The following ZNF486 variants were observed in gnomAD, a reference collection of about 807,000 sequenced individuals.
ZNF486 encodes zinc finger protein 486, also known as KRAB box only protein 2.
A neutral mutation model predicts 12.8 loss-of-function variants in ZNF486; 12 were observed. That is an observed-to-expected ratio of 0.94 (90% CI 0.60 to 1.52). The LOEUF is 1.52. ZNF486 is among the 40% of genes most tolerant of loss of function. The pLI, the probability that ZNF486 is intolerant of heterozygous loss-of-function variation, is 0.00. For missense variants in ZNF486, 738 were observed against 545.0 expected (o/e 1.35, Z -3.53); for synonymous variants, 231 against 184.9 (o/e 1.25, Z -2.02).
intron 3 of ZNF486, among the ~76,000 whole-genome samples, chr19:20,193,944 A>T (rs929119519): frequency 6.6e-6 from 1 of 152,132 alleles, no homozygotes; most frequent in Non-Finnish European, 1.5e-5. Context: ...TGAATGTGGT[A>T]AAAAAATTAA....
rs1555718353 is a variant in ZNF486, at chr19:20,197,922, A to G, written c.1212A>G (p.Lys404=). 1.4e-5 allele frequency: 22 copies of G among 1,613,358 alleles called. No homozygotes were observed. Among genetic ancestry groups the G allele is most frequent in the South Asian group, 3.3e-5 (3 of 91,052 alleles). ...HKHRRTHTGE[K]PYKCEECGKA... Reference sequence around the variant, plus strand: ...ATAGGAGAACTCATACTGGAGAGAAACCCTACAAATGTGAAGAATGTGGCA... The same window carrying G: ...ATAGGAGAACTCATACTGGAGAGAAGCCCTACAAATGTGAAGAATGTGGCA... Residue 404 remains lysine (K), a synonymous_variant, in exon 4 of 4, where the codon AAA becomes AAG. Transcript: ENST00000335117.
rs782391147 is a variant in ZNF486 at position 20,197,362 on chromosome 19, G to A, written c.652G>A (p.Ala218Thr). 1.2e-6 allele frequency: 2 copies of A among 1,613,430 alleles called. No homozygotes were observed. Among genetic ancestry groups the A allele is most frequent in the South Asian group, 1.1e-5 (1 of 91,032 alleles). Reference protein sequence around the residue: ...KPYKCEECGKAFNRSSHLTTH... With the variant: ...KPYKCEECGKTFNRSSHLTTH... ...ATACAAATGTGAAGAATGTGGCAAA[G>A]CCTTCAACCGGTCCTCACACCTTAC... The change falls in exon 4 of 4, where the codon GCC (alanine) becomes ACC (threonine). Residue 218 changes from alanine to threonine, a missense_variant. Ala to Thr is a moderately conservative substitution (Grantham distance 58). Coordinates refer to ENST00000335117, the MANE Select transcript of ZNF486 (RefSeq NM_052852.4).
chr19:20,197,143 T>A lies in ZNF486; in HGVS notation c.433T>A (p.Cys145Ser). ...AAGAGGTTATAATGGACTTAACCAA[T>A]GTTTGACAACTACCCAGAGCAAAAT... Reference protein sequence around the residue: ...HKRGYNGLNQCLTTTQSKIFQ... With the variant: ...HKRGYNGLNQSLTTTQSKIFQ... Residue 145 changes from cysteine to serine, a missense_variant, in exon 4 of 4, where the codon TGT (cysteine) becomes AGT (serine). Cys to Ser is a moderately radical substitution (Grantham distance 112, BLOSUM62 -1). Coordinates refer to ENST00000335117, the MANE Select transcript of ZNF486 (RefSeq NM_052852.4). 3.1e-6 allele frequency: 5 copies of A among 1,613,950 alleles called. No homozygotes were observed. The highest frequency in any genetic ancestry group is 1.7e-4 in the Middle Eastern group (1 of 6,058).
chr19:20,169,979 C>T (rs537206461), intron 1 of ZNF486, among the ~76,000 whole-genome samples: 2 of 151,058 alleles, frequency 1.3e-5, no homozygotes, highest in South Asian at 2.1e-4. Flanking sequence ...CAAGCTCCGC[C>T]TCCCGGGTTC....
intron 3 of ZNF486, among the ~76,000 whole-genome samples, chr19:20,196,631 G>A (rs1448666836): frequency 1.3e-5 from 2 of 152,200 alleles, no homozygotes; most frequent in African/African-American, 4.8e-5. Flanking sequence ...CACCAGGTTG[G>A]CAATTTACTT....
chr19:20,184,682 G>A (rs1246507368), intron 2 of ZNF486, among the ~76,000 whole-genome samples, 200 bp downstream of exon 2: 2 of 152,240 alleles, frequency 1.3e-5, no homozygotes, highest in African/African-American at 2.4e-5. Flanking sequence ...ACATTGCTGA[G>A]TTGAGCTTTA....
In ZNF486 at chr19:20,198,121, T is replaced by C; in HGVS notation, c.*19T>C. The C allele has an allele frequency of 6.6e-7, 1 of 1,518,230 alleles. No individual in the cohort carries two copies. Among genetic ancestry groups the C allele is most frequent in the Non-Finnish European group, 8.8e-7 (1 of 1,134,292 alleles). The allele number at this position is 1,518,230 out of a possible 1,614,324, so 94.0% of individuals were successfully genotyped here. A position where few individuals can be genotyped will look rare whatever the true frequency, so the allele number is the denominator to read the frequency against. ...AACGTGACAAAGGATTATTTTATTA[T>C]TATTATTTTTTTGAGAGGTAATTCT... On this transcript the variant is annotated 3_prime_UTR_variant, in exon 4 of 4. Transcript: ENST00000335117.
intron 1 of ZNF486, chr19:20,177,175 A>C (rs1418092308): frequency 6.6e-6 from 1 of 152,408 alleles, no homozygotes; most frequent in Non-Finnish European, 1.5e-5. Flanking sequence ...GTAGAGGTCA[A>C]GAGAGCATAC....
At chr19:20,173,218 T>A (rs782677991) in intron 1 of ZNF486, among the ~76,000 whole-genome samples, 1 of 152,172 alleles carries the variant, frequency 6.6e-6, no homozygotes, top group African/African-American at 2.4e-5. Flanking sequence ...AGTCTTTAAT[T>A]TATCTTGAGT....
intron 1 of ZNF486, among the ~76,000 whole-genome samples, chr19:20,181,793 A>G (rs574975210): frequency 6.6e-6 from 1 of 152,324 alleles, no homozygotes; most frequent in South Asian, 2.1e-4. Flanking sequence ...TTTTAAAAAA[A>G]TTCATGACAG....
Position 20,167,254 on chromosome 19 carries a change from A to G in ZNF486, c.-77A>G, listed in dbSNP as rs781983177. The G allele has an allele frequency of 3.1e-6, 5 of 1,587,660 alleles. No homozygotes were observed. The South Asian group carries it at 4.4e-5, about 14-fold the overall frequency. ...TGGAGCTCTAGGTCGCCTCTTCGCT[A>G]CTCTGTGTCCTCTGCTCCTAGAGGC... On this transcript the variant is annotated 5_prime_UTR_variant, in exon 1 of 4. Coordinates refer to ENST00000335117, the MANE Select transcript of ZNF486 (RefSeq NM_052852.4).
intron 1 of ZNF486, among the ~76,000 whole-genome samples, chr19:20,177,491 C>T (rs1307157060): frequency 6.6e-6 from 1 of 152,224 alleles, no homozygotes; most frequent in African/African-American, 2.4e-5. Context: ...TACTTATGGA[C>T]TAATTATGTT....
At chr19:20,176,030 G>C (rs1025203046) in intron 1 of ZNF486, 9 of 170,028 alleles carry the variant, frequency 5.3e-5, no homozygotes, top group Non-Finnish European at 1.0e-4. Context: ...CCTCCCGGAC[G>C]GGGTGGCTGC....
At chr19:20,191,043 C>G (rs1184424370) in intron 3 of ZNF486, among the ~76,000 whole-genome samples, 1 of 152,190 alleles carries the variant, frequency 6.6e-6, no homozygotes, top group Non-Finnish European at 1.5e-5. Flanking sequence ...GTTTCATTAA[C>G]ATATAGTATG....
chr19:20,179,821 A>G (rs1483839360), intron 1 of ZNF486, among the ~76,000 whole-genome samples: 7 of 152,236 alleles, frequency 4.6e-5, no homozygotes, highest in Admixed American at 4.6e-4. Flanking sequence ...AGGAGGAAAT[A>G]GAATCTGATG....
intron 3 of ZNF486, among the ~76,000 whole-genome samples, chr19:20,192,161 C>CTATT (rs2089909237): frequency 6.6e-6 from 1 of 152,106 alleles, no homozygotes; most frequent in Non-Finnish European, 1.5e-5. Flanking sequence ...ATTGTGGTTA[C>CTATT]TATTTTTATG....
chr19:20,184,823 C>T (rs1284485934), intron 2 of ZNF486, among the ~76,000 whole-genome samples: 2 of 152,064 alleles, frequency 1.3e-5, no homozygotes, highest in Non-Finnish European at 2.9e-5. Flanking sequence ...AAAAAGCCTT[C>T]ATGCAGGGCC....
At position 20,197,502 on chromosome 19, in the gene ZNF486, A is replaced by G. The variant is rs2089971538; in HGVS notation, c.792A>G (p.Lys264=). ...ATAAGAAAATTCATAGTGGAGAGAA[A>G]CCCTACATTTGTGAAGAATGTGGCA... is the stretch of plus-strand genomic sequence containing the variant. ...TTHKKIHSGE[K]PYICEECGKA... The change falls in exon 4 of 4, where the codon AAA becomes AAG. Residue 264 remains lysine (K), a synonymous_variant. Coordinates refer to ENST00000335117, the MANE Select transcript of ZNF486 (RefSeq NM_052852.4). 4 of 1,609,488 alleles carry G rather than the reference A, an allele frequency of 2.5e-6. No homozygotes were observed. The African/African-American group carries it at 4.0e-5, about 16-fold the overall frequency.
chr19:20,171,977 G>A (rs1275253756), intron 1 of ZNF486, among the ~76,000 whole-genome samples: 2 of 148,578 alleles, frequency 1.3e-5, no homozygotes. Flanking sequence ...CTGTTTCTAC[G>A]TTAGTTTCCT....
Sources: gnomAD v4.1 joint callset for allele counts (sites outside exome capture counted in the v4.1 genomes callset) on GRCh38, gnomAD v4.1.1 for gene constraint, MANE v1.5 for transcripts, NCBI Gene and HGNC (gene_info 2026-07-23, HGNC 2026-07-21) for gene names.